The following NTRK2 variants were observed in gnomAD, a reference collection of about 807,000 sequenced individuals.
NTRK2 encodes the protein BDNF/NT-3 growth factors receptor.
A neutral mutation model predicts 94.5 loss-of-function variants in NTRK2; 13 were observed. The ratio of observed to expected loss-of-function variants is 0.14; its 90% CI spans 0.09 to 0.22. The LOEUF is 0.22. Among genes scored for constraint, NTRK2 ranks in the 10% least tolerant of loss-of-function variants. The pLI, the probability that NTRK2 is intolerant of heterozygous loss-of-function variation, is 1.00. For synonymous variants in NTRK2, 372 were observed against 407.4 expected (o/e 0.91, Z 1.05); for missense variants, 639 against 1,071.2 (o/e 0.60, Z 5.63).
intron 12 of NTRK2, chr9:84,811,043 A>G: frequency 9.3e-7 from 1 of 1,080,500 alleles, no homozygotes; most frequent in Non-Finnish European, 1.1e-6. Flanking sequence ...ATCTACATGT[A>G]ACACATATTT....
intron 12 of NTRK2, among the ~76,000 whole-genome samples, chr9:84,832,827 T>C (rs1042790252): frequency 6.6e-6 from 1 of 152,186 alleles, no homozygotes; most frequent in Non-Finnish European, 1.5e-5. Flanking sequence ...CCAGTGTGTT[T>C]GAATCGCAGG....
Position 84,809,951 on chromosome 9 carries a change from A to G in NTRK2, c.1397-51089A>G, listed in dbSNP as rs74484371. Among the ~76,000 whole-genome samples the G allele has an allele frequency of 7.6e-3, 1,151 of 151,786 alleles. 20 individuals are homozygous for G. The highest frequency in any genetic ancestry group is 0.026 in the African/African-American group (1,082 of 41,474). ...TATTTGTATTGTCTAGTATTTCACC[A>G]GTTAAAGTTAGCCAGTTCTCTGGGC... On this transcript the variant is annotated intron_variant, in intron 12 of 18. Transcript: ENST00000277120.
chr9:84,766,155 TTAAA>T (rs957393408), intron 12 of NTRK2, among the ~76,000 whole-genome samples: 56 of 152,126 alleles, frequency 3.7e-4, no homozygotes, highest in African/African-American at 1.2e-3. Context: ...TTTGCTGTGT[TTAAA>T]TAGTTAAGAA....
chr9:84,762,277 G>C (rs1358978661), intron 12 of NTRK2, among the ~76,000 whole-genome samples: 3 of 152,326 alleles, frequency 2.0e-5, no homozygotes, highest in Non-Finnish European at 4.4e-5. Context: ...AGGCAGCCCT[G>C]CCTTAGCCAT....
chr9:84,861,773 G>A (rs889437307), intron 13 of NTRK2, among the ~76,000 whole-genome samples: 2 of 152,098 alleles, frequency 1.3e-5, no homozygotes, highest in African/African-American at 2.4e-5. Context: ...ATGAAAAGAC[G>A]GCATTCTTAC....
intron 14 of NTRK2, among the ~76,000 whole-genome samples, chr9:84,901,060 A>G (rs1407622552): frequency 6.6e-6 from 1 of 152,218 alleles, no homozygotes; most frequent in Non-Finnish European, 1.5e-5. Context: ...AGGAAAATGG[A>G]TAACTACAGG....
chr9:84,970,099 G>A (rs1057107346), intron 17 of NTRK2, among the ~76,000 whole-genome samples: 7 of 152,080 alleles, frequency 4.6e-5, no homozygotes, highest in Non-Finnish European at 8.8e-5. Flanking sequence ...CTTTTAAATG[G>A]CAATAATAGG....
intron 12 of NTRK2, among the ~76,000 whole-genome samples, chr9:84,822,875 G>A (rs938752689): frequency 1.8e-4 from 27 of 152,124 alleles, no homozygotes; most frequent in African/African-American, 1.7e-4. Context: ...GAAGGTCTAC[G>A]AGGTGCATTC....
At position 84,861,097 on chromosome 9, in the gene NTRK2, T is replaced by TA. The variant is rs1200654350; in HGVS notation, c.1444+12dup. ...TCAAGACAAGGTGTTGGTAAGTAGT[T>TA]AACTCACTCCTTCTTTGGATAAGTA... On this transcript the variant is annotated intron_variant, in intron 13 of 18. Coordinates refer to ENST00000277120, the MANE Select transcript of NTRK2 (RefSeq NM_006180.6). 1.2e-6 allele frequency: 2 copies of TA among 1,606,124 alleles called. No homozygotes were observed. The highest frequency in any genetic ancestry group is 2.2e-5 in the South Asian group (2 of 90,866).
rs1450832803 is a variant in NTRK2, at chr9:84,708,345, C to T, written c.428+433C>T. Among the ~76,000 whole-genome samples, 7 of 152,276 alleles carry T rather than the reference C, an allele frequency of 4.6e-5. No individual in the cohort carries two copies. In the East Asian group the frequency reaches 1.4e-3, roughly 29 times the overall value. Reference sequence around the variant, plus strand: ...GGGCAAAACTCTGCTCACTTTTGTCCATCTTAAGGATAGGGGACATTGGAG... The same window carrying T: ...GGGCAAAACTCTGCTCACTTTTGTCTATCTTAAGGATAGGGGACATTGGAG... On this transcript the variant is annotated intron_variant, in intron 5 of 18. Transcript: ENST00000277120.
chr9:84,917,395 G>A lies in NTRK2; in HGVS notation c.1634-16767G>A, dbSNP rs561061870. Among the ~76,000 whole-genome samples, 5 of 152,296 alleles carry A rather than the reference G, an allele frequency of 3.3e-5. No homozygotes were observed. The South Asian group carries it at 6.2e-4, about 19-fold the overall frequency. ...GGGATGACAGCCCATAAGCACGTGT[G>A]CAGTGGAAGGAGCACTGGGCCGGGC... On this transcript the variant is annotated intron_variant, in intron 14 of 18. Coordinates refer to ENST00000277120, the MANE Select transcript of NTRK2 (RefSeq NM_006180.6).
At chr9:85,010,360 T>G (rs1831426870) in intron 17 of NTRK2, among the ~76,000 whole-genome samples, 1 of 152,214 alleles carries the variant, frequency 6.6e-6, no homozygotes, top group Non-Finnish European at 1.5e-5. Context: ...CTCCGTGATT[T>G]TCACCATCAA....
At chr9:84,718,605 C>T (rs2061861176) in intron 6 of NTRK2, among the ~76,000 whole-genome samples, 1 of 152,162 alleles carries the variant, frequency 6.6e-6, no homozygotes, top group African/African-American at 2.4e-5. Context: ...TCTCCGATCT[C>T]CAGCGAGGTT....
At chr9:84,960,215 A>T (rs1824733702) in intron 17 of NTRK2, among the ~76,000 whole-genome samples, 1 of 152,222 alleles carries the variant, frequency 6.6e-6, no homozygotes, top group African/African-American at 2.4e-5. Flanking sequence ...GCCCACTCCC[A>T]GTTTATCAAC....
At chr9:84,860,531 G>A (rs969930298) in intron 12 of NTRK2, among the ~76,000 whole-genome samples, 3 of 151,786 alleles carry the variant, frequency 2.0e-5, no homozygotes, top group East Asian at 3.9e-4. Flanking sequence ...TTTTTTTACC[G>A]TCTGTCTCAG....
chr9:84,902,071 C>T (rs1464743551), intron 14 of NTRK2, among the ~76,000 whole-genome samples: 1 of 151,924 alleles, frequency 6.6e-6, no homozygotes, highest in East Asian at 1.9e-4. Context: ...TGGTGTGTGC[C>T]TGTAATTCCA....
chr9:84,782,037 AACACACACAC>A (rs58851217), intron 12 of NTRK2, among the ~76,000 whole-genome samples: 36 of 149,256 alleles, frequency 2.4e-4, no homozygotes, highest in East Asian at 1.2e-3. Context: ...CCTCCAAGAA[AACACACACAC>A]ACACACACAC....
chr9:84,710,882 A>C, intron 6 of NTRK2, 91 bp downstream of exon 6: 1 of 1,256,648 alleles, frequency 8.0e-7, no homozygotes. Context: ...CACTACCTGG[A>C]TTGTATATAG....
chr9:84,994,591 C>T (rs937759167), intron 17 of NTRK2, among the ~76,000 whole-genome samples: 10 of 152,268 alleles, frequency 6.6e-5, no homozygotes, highest in East Asian at 1.9e-4. Flanking sequence ...ATCACTGCAG[C>T]GCTTCCAGAC....
Sources: gnomAD v4.1 joint callset for allele counts (sites outside exome capture counted in the v4.1 genomes callset) on GRCh38, gnomAD v4.1.1 for gene constraint, MANE v1.5 for transcripts, NCBI Gene and HGNC (gene_info 2026-07-23, HGNC 2026-07-21) for gene names.